ZNF236: variants seen among roughly 807,000 people sequenced by gnomAD.
The protein encoded by ZNF236 is zinc finger protein 236.
In ZNF236, 50 loss-of-function variants were observed where a neutral mutation model predicts 191.2. The observed-to-expected ratio is 0.26, with a 90% CI of 0.21 to 0.33. The LOEUF is 0.33. ZNF236 is among the 10% of genes least tolerant of loss of function. The pLI, the probability that ZNF236 is intolerant of heterozygous loss-of-function variation, is 1.00. For missense variants in ZNF236, 1,754 were observed against 2,374.5 expected (o/e 0.74, Z 5.43); for synonymous variants, 907 against 928.8 (o/e 0.98, Z 0.43).
chr18:76,907,778 A>G (rs1381163674), intron 13 of ZNF236, among the ~76,000 whole-genome samples: 1 of 148,284 alleles, frequency 6.7e-6, no homozygotes, highest in Non-Finnish European at 1.5e-5. Flanking sequence ...GTTGACTTTG[A>G]TGAATGCTGG....
In ZNF236 at chr18:76,865,363, A is replaced by C. The variant is rs530997506; in HGVS notation, c.364-3322A>C. ...AAAACAAAAAACAAAACAAAACAAA[A>C]AAAACCTCTCATATGATCTAACAAT... On this transcript the variant is annotated intron_variant, in intron 3 of 30. Coordinates refer to ENST00000320610, the MANE Select transcript of ZNF236 (RefSeq NM_001306089.2). Among the ~76,000 whole-genome samples the C allele has an allele frequency of 5.3e-5, 8 of 152,192 alleles. No individual in the cohort carries two copies. The South Asian group carries it at 1.7e-3, about 32-fold the overall frequency.
Position 76,899,307 on chromosome 18 carries a change from C to A in ZNF236, c.1894+85C>A, listed in dbSNP as rs1441940460. ...GTGAATTGTGTACACACATTATGGT[C>A]TCTGTAGTTAAATAGTTTTTTAGGC... On this transcript the variant is annotated intron_variant, in intron 11 of 30. Coordinates refer to ENST00000320610, the MANE Select transcript of ZNF236 (RefSeq NM_001306089.2). 1.4e-5 allele frequency: 17 copies of A among 1,205,308 alleles called. No homozygotes were observed. The East Asian group carries it at 1.7e-4, about 12-fold the overall frequency. 74.7% of individuals were successfully genotyped at this position (1,205,308 alleles called of 1,614,324 possible). A position where few individuals can be genotyped will look rare whatever the true frequency, so the allele number is the denominator to read the frequency against.
At chr18:76,868,894 A>G (rs771977221) in intron 4 of ZNF236, 31 bp downstream of exon 4, 2 of 1,554,986 alleles carry the variant, frequency 1.3e-6, no homozygotes, top group African/African-American at 1.4e-5. Flanking sequence ...TTGGTCAAAA[A>G]TCCATCTAAT....
At chr18:76,954,593 G>A (rs1968479511) in intron 27 of ZNF236, among the ~76,000 whole-genome samples, 1 of 152,146 alleles carries the variant, frequency 6.6e-6, no homozygotes, top group Admixed American at 6.5e-5. Flanking sequence ...ATATTCACAT[G>A]TAGACACACA....
chr18:76,855,728 C>T (rs1976022615), intron 3 of ZNF236, among the ~76,000 whole-genome samples: 1 of 150,752 alleles, frequency 6.6e-6, no homozygotes, highest in Non-Finnish European at 1.5e-5. Flanking sequence ...TCCCAGAGGA[C>T]ATTTGGTTAT....
At chr18:76,912,706 A>G (rs1255628756) in intron 17 of ZNF236, among the ~76,000 whole-genome samples, 2 of 152,238 alleles carry the variant, frequency 1.3e-5, no homozygotes, top group African/African-American at 4.8e-5. Context: ...TGCTTTACAT[A>G]TAACAATCTG....
intron 18 of ZNF236, 82 bp downstream of exon 18, chr18:76,913,980 C>A: frequency 1.4e-6 from 2 of 1,456,864 alleles, no homozygotes; most frequent in South Asian, 1.2e-5. Flanking sequence ...CCATTCAGTT[C>A]ACCCACTTAA....
chr18:76,834,463 T>C (rs753331483), intron 1 of ZNF236: 1 of 384,136 alleles, frequency 2.6e-6, no homozygotes, highest in South Asian at 2.5e-5. Context: ...TTCTTCCTTA[T>C]ATTTGCCCTT....
At chr18:76,966,592 G>T (rs28380379) in intron 30 of ZNF236, among the ~76,000 whole-genome samples, 5,318 of 152,124 alleles carry the variant, frequency 0.035, 319 homozygotes, top group African/African-American at 0.12. Context: ...CCTGCAGCAT[G>T]CAGTTCAGGT....
chr18:76,870,166 A>C (rs1028213048), intron 4 of ZNF236, among the ~76,000 whole-genome samples: 1 of 152,202 alleles, frequency 6.6e-6, no homozygotes, highest in Non-Finnish European at 1.5e-5. Flanking sequence ...CATTTGAGAA[A>C]TGTGGACTGG....
At chr18:76,918,476 G>C (rs112806741) in intron 19 of ZNF236, among the ~76,000 whole-genome samples, 378 of 152,318 alleles carry the variant, frequency 2.5e-3, no homozygotes, top group African/African-American at 8.6e-3. Flanking sequence ...CCAGGCAGGA[G>C]TACACTGGCA....
chr18:76,967,672 G>T, intron 30 of ZNF236, among the ~76,000 whole-genome samples: 1 of 86,194 alleles, frequency 1.2e-5, no homozygotes, highest in Admixed American at 1.2e-4. Flanking sequence ...GTGATTTGGT[G>T]TTGGAGGTGG....
intron 2 of ZNF236, among the ~76,000 whole-genome samples, chr18:76,850,809 G>A (rs995121301): frequency 6.6e-6 from 1 of 151,836 alleles, no homozygotes; most frequent in Non-Finnish European, 1.5e-5. Flanking sequence ...CGCCATGTTG[G>A]CCAGGCTGGT....
chr18:76,936,231 A>G (rs1469626038), intron 25 of ZNF236: 1 of 443,064 alleles, frequency 2.3e-6, no homozygotes, highest in Non-Finnish European at 4.6e-6. Context: ...ATCCTTAGCA[A>G]CTGGCACAGT....
intron 30 of ZNF236, among the ~76,000 whole-genome samples, chr18:76,966,278 T>A (rs752984617): frequency 2.6e-5 from 4 of 152,194 alleles, no homozygotes; most frequent in Non-Finnish European, 2.9e-5. Context: ...TGTGCTTTTG[T>A]TACTTTAATA....
chr18:76,866,067 A>T (rs1196149780), intron 3 of ZNF236, among the ~76,000 whole-genome samples: 1 of 152,174 alleles, frequency 6.6e-6, no homozygotes, highest in African/African-American at 2.4e-5. Flanking sequence ...TCACTTAGGA[A>T]TTTTTCTTAA....
intron 25 of ZNF236, chr18:76,935,936 C>T (rs755801852): frequency 1.5e-5 from 7 of 455,764 alleles, no homozygotes; most frequent in South Asian, 6.2e-5. Context: ...GCTGCTTCAG[C>T]GCTCGAGCCT....
rs771202931 is a variant in ZNF236 at position 76,851,958 on chromosome 18, C to T, written c.363+19C>T. On this transcript the variant is annotated intron_variant, in intron 3 of 30. Coordinates refer to ENST00000320610, the MANE Select transcript of ZNF236 (RefSeq NM_001306089.2). The stretch of plus-strand genomic sequence containing the variant: ...GGAAGAGGTAATCATCATCATTTTG[C>T]ATATACTTTGTTAACTGATTGTTAA... 1.3e-6 allele frequency: 2 copies of T among 1,593,646 alleles called. No homozygotes were observed. The highest frequency in any genetic ancestry group is 1.7e-6 in the Non-Finnish European group (2 of 1,169,086).
intron 26 of ZNF236, among the ~76,000 whole-genome samples, chr18:76,937,623 A>G (rs1968036620): frequency 6.6e-6 from 1 of 152,194 alleles, no homozygotes; most frequent in Non-Finnish European, 1.5e-5. Context: ...ATCCTTCTAC[A>G]CCTTTATATG....
Sources: allele counts gnomAD v4.1 joint callset (sites outside exome capture counted in the v4.1 genomes callset), GRCh38; gene constraint gnomAD v4.1.1; transcripts MANE v1.5; gene names NCBI Gene and HGNC (gene_info 2026-07-23, HGNC 2026-07-21).